The following ATP6V1E2 variants were observed in gnomAD, a reference collection of about 807,000 sequenced individuals.
The protein encoded by ATP6V1E2 is V-type proton ATPase subunit E 2.
For missense variants in ATP6V1E2, 308 were observed against 273.3 expected (o/e 1.13, Z -0.90); for synonymous variants, 121 against 104.2 (o/e 1.16, Z -0.98).
rs567710617 is a variant in ATP6V1E2 at position 46,515,324 on chromosome 2, G to T, written c.-101-2512C>A. Among the ~76,000 whole-genome samples, 31 of 152,298 alleles carry T rather than the reference G, an allele frequency of 2.0e-4. No homozygotes were observed. In the East Asian group the frequency reaches 6.0e-3, roughly 29 times the overall value. ...AAAGTAACCATAACTATAAAAATAT[G>T]TTAATGGATACATAATGTAAAAAGA... On this transcript the variant is annotated intron_variant, in intron 4 of 4. Transcript: ENST00000522587.
chr2:46,512,199 T>C lies in ATP6V1E2; in HGVS notation c.513A>G (p.Ala171=), dbSNP rs1024104300. The C allele has an allele frequency of 6.2e-7, 1 of 1,614,214 alleles. No individual in the cohort carries two copies. The highest frequency in any genetic ancestry group is 8.5e-7 in the Non-Finnish European group (1 of 1,180,026). ...CTCCAGCTGCATTCACAGCCAGGTA[T>C]GCCTCTTTATCAATCTGGACCTCCA... ...KHVEVQIDKE[A]YLAVNAAGGV... is the part of the protein sequence containing the mutation. Residue 171 remains alanine (A), a synonymous_variant, in exon 5 of 5, where the codon GCA becomes GCG. Coordinates refer to ENST00000522587, the MANE Select transcript of ATP6V1E2 (RefSeq NM_001318063.2).
At chr2:46,520,273 C>CTT (rs1376243034) in intron 4 of ATP6V1E2, among the ~76,000 whole-genome samples, 1 of 152,240 alleles carries the variant, frequency 6.6e-6, no homozygotes, top group Non-Finnish European at 1.5e-5. Flanking sequence ...GCAGATGTAA[C>CTT]TTCTCGTCTG....
At chr2:46,528,534 C>T (rs1031108510) in intron 4 of ATP6V1E2, among the ~76,000 whole-genome samples, 1 of 152,144 alleles carries the variant, frequency 6.6e-6, no homozygotes, top group African/African-American at 2.4e-5. Context: ...GGTGACTCCT[C>T]CAGGGCAGGA....
In ATP6V1E2 at chr2:46,526,146, A is replaced by ACT. The variant is rs555775491; in HGVS notation, c.-102+9665_-102+9666dup. Reference sequence around the variant, plus strand: ...TATTATTATTTTGAGACGGAGTTTCACTCTTGTTGCCCAGGCTGGAGTGCG... The same window carrying ACT: ...TATTATTATTTTGAGACGGAGTTTCACTCTCTTGTTGCCCAGGCTGGAGTGCG... On this transcript the variant is annotated intron_variant, in intron 4 of 4. Coordinates refer to ENST00000522587, the MANE Select transcript of ATP6V1E2 (RefSeq NM_001318063.2). 4.6e-5 allele frequency among the ~76,000 whole-genome samples: 7 copies of ACT among 152,074 alleles called. No homozygotes were observed. In the South Asian group the frequency reaches 1.5e-3, roughly 32 times the overall value.
intron 4 of ATP6V1E2, among the ~76,000 whole-genome samples, chr2:46,525,770 T>C (rs1009484556): frequency 6.6e-6 from 1 of 152,170 alleles, no homozygotes; most frequent in Non-Finnish European, 1.5e-5. Flanking sequence ...ATAATTTACA[T>C]GAAGAATTCA....
chr2:46,517,491 A>G (rs1176798112), intron 4 of ATP6V1E2, among the ~76,000 whole-genome samples: 1 of 152,260 alleles, frequency 6.6e-6, no homozygotes, highest in Admixed American at 6.5e-5. Flanking sequence ...ATGAGATTGC[A>G]TAAAATTTAA....
rs111397792 is a variant in ATP6V1E2 at position 46,525,102 on chromosome 2, T to C, written c.-102+10711A>G. On this transcript the variant is annotated intron_variant, in intron 4 of 4. Coordinates refer to ENST00000522587, the MANE Select transcript of ATP6V1E2 (RefSeq NM_001318063.2). ...GAAGGAAGAGATGTGGCCCACAAGC[T>C]GTTGGGTGTCAGGTCTGAGGACTCA... is the stretch of plus-strand genomic sequence containing the variant. Among the ~76,000 whole-genome samples, 212 of 152,262 alleles carry C rather than the reference T, an allele frequency of 1.4e-3. 3 individuals carry two copies. Among genetic ancestry groups the C allele is most frequent in the African/African-American group, 4.6e-3 (192 of 41,560 alleles).
In ATP6V1E2 at chr2:46,526,511, A is replaced by G. The variant is rs530821418; in HGVS notation, c.-102+9302T>C. Among the ~76,000 whole-genome samples, 199 of 152,040 alleles carry G rather than the reference A, an allele frequency of 1.3e-3. 5 individuals are homozygous for G. The South Asian group carries it at 0.039, about 30-fold the overall frequency. The stretch of plus-strand genomic sequence containing the variant: ...AACTTTTTCGTCTTCCCAAATTTAA[A>G]CTCTGTATCCATTAAACACTAATCC... On this transcript the variant is annotated intron_variant, in intron 4 of 4. Transcript: ENST00000522587.
At chr2:46,524,734 A>T (rs1370610788) in intron 4 of ATP6V1E2, among the ~76,000 whole-genome samples, 1 of 152,154 alleles carries the variant, frequency 6.6e-6, no homozygotes, top group Non-Finnish European at 1.5e-5. Context: ...AAGACACTGG[A>T]TGGGGAGAAC....
At position 46,512,406 on chromosome 2, in the gene ATP6V1E2, G is replaced by A. The variant is rs1687503899; in HGVS notation, c.306C>T (p.Leu102=). ...SDLLSEAKLR[L]SRIVEDPEVY... is the part of the protein sequence containing the mutation. Reference sequence around the variant, plus strand: ...CCTCTGGGTCCTCCACAATCCTGCTGAGTCTCAGCTTCGCCTCACTGAGCA... The same window carrying A: ...CCTCTGGGTCCTCCACAATCCTGCTAAGTCTCAGCTTCGCCTCACTGAGCA... The change falls in exon 5 of 5, where the codon CTC becomes CTT. Residue 102 remains leucine, a synonymous_variant. Coordinates refer to ENST00000522587, the MANE Select transcript of ATP6V1E2 (RefSeq NM_001318063.2). 1.2e-5 allele frequency: 20 copies of A among 1,614,022 alleles called. No individual in the cohort carries two copies. The highest frequency in any genetic ancestry group is 1.5e-5 in the Non-Finnish European group (18 of 1,180,036).
rs59810518 is a variant in ATP6V1E2, at chr2:46,540,613, C to CTTTTTTTTTTTTTTTTT, written c.-310+760_-310+776dup. The stretch of plus-strand genomic sequence containing the variant: ...TGAAATTTGAGAGCTTTTTCTGTAA[C>CTTTTTTTTTTTTTTTTT]TTTTTTTTTTTTTTTTTTTTTTTTT... On this transcript the variant is annotated intron_variant, in intron 2 of 4. Transcript: ENST00000522587. 6.1e-5 allele frequency among the ~76,000 whole-genome samples: 7 copies of CTTTTTTTTTTTTTTTTT among 115,620 alleles called. 1 individual carries two copies. Among genetic ancestry groups the CTTTTTTTTTTTTTTTTT allele is most frequent in the African/African-American group, 1.7e-4 (5 of 29,554 alleles). 75.9% of individuals were successfully genotyped at this position (115,620 alleles called of 152,430 possible).
chr2:46,519,370 A>G, intron 4 of ATP6V1E2: 1 of 152,342 alleles, frequency 6.6e-6, no homozygotes, highest in Non-Finnish European at 1.5e-5. Context: ...ACGTGAAGCC[A>G]AATCTGAAGG....
chr2:46,536,129 T>C lies in ATP6V1E2; in HGVS notation c.-216-202A>G, dbSNP rs564276561. 2.0e-5 allele frequency among the ~76,000 whole-genome samples: 3 copies of C among 152,276 alleles called. No homozygotes were observed. In the South Asian group the frequency reaches 6.2e-4, roughly 32 times the overall value. On this transcript the variant is annotated intron_variant, in intron 3 of 4. Transcript: ENST00000522587. Reference sequence around the variant, plus strand: ...CAATGACTAGTCTCCTGACCTTAGGTTGCAGCAGAAAACAGTTAGAAATGA... The same window carrying C: ...CAATGACTAGTCTCCTGACCTTAGGCTGCAGCAGAAAACAGTTAGAAATGA...
intron 4 of ATP6V1E2, among the ~76,000 whole-genome samples, chr2:46,528,698 C>T (rs763991856): frequency 2.0e-5 from 3 of 152,216 alleles, no homozygotes; most frequent in Non-Finnish European, 4.4e-5. Context: ...TGATGCTACT[C>T]GTAGGTTGGG....
Position 46,512,370 on chromosome 2 carries a change from C to T in ATP6V1E2, c.342G>A (p.Gly114=), listed in dbSNP as rs547348625. The stretch of plus-strand genomic sequence containing the variant: ...CCTGGAGCACCAGTTTATCCAGCAG[C>T]CCCTGGTAGACCTCTGGGTCCTCCA... ...RIVEDPEVYQ[G]LLDKLVLQGL... is the part of the protein sequence containing the mutation. The change falls in exon 5 of 5, where the codon GGG becomes GGA. Residue 114 remains glycine (G), a synonymous_variant. Coordinates refer to ENST00000522587, the MANE Select transcript of ATP6V1E2 (RefSeq NM_001318063.2). 1.2e-6 allele frequency: 2 copies of T among 1,614,068 alleles called. No homozygotes were observed. The highest frequency in any genetic ancestry group is 3.3e-5 in the Admixed American group (2 of 60,008).
intron 4 of ATP6V1E2, among the ~76,000 whole-genome samples, chr2:46,531,901 A>C (rs1347403840): frequency 1.3e-5 from 2 of 152,226 alleles, no homozygotes; most frequent in Non-Finnish European, 2.9e-5. Context: ...TTTATTGTTG[A>C]ATGATAAGAG....
At chr2:46,531,510 G>C (rs1667178249) in intron 4 of ATP6V1E2, among the ~76,000 whole-genome samples, 1 of 152,198 alleles carries the variant, frequency 6.6e-6, no homozygotes, top group South Asian at 2.1e-4. Context: ...GTATTTATTT[G>C]AGGATGTGTT....
intron 4 of ATP6V1E2, chr2:46,519,611 G>C (rs1050390060): frequency 6.6e-6 from 1 of 152,254 alleles, no homozygotes; most frequent in Non-Finnish European, 1.5e-5. Flanking sequence ...CTTTGGCAAA[G>C]CAGTATACCC....
At chr2:46,537,428 CTT>C (rs1667502092) in intron 2 of ATP6V1E2, 1 of 152,190 alleles carries the variant, frequency 6.6e-6, no homozygotes, top group African/African-American at 2.4e-5. Flanking sequence ...AAGTTCAAGA[CTT>C]TGTTCAATGA....
Sources: gnomAD v4.1 joint callset for allele counts (sites outside exome capture counted in the v4.1 genomes callset) on GRCh38, gnomAD v4.1.1 for gene constraint, MANE v1.5 for transcripts, NCBI Gene and HGNC (gene_info 2026-07-23, HGNC 2026-07-21) for gene names.